Variants in EPC2 observed in about 807,000 individuals in gnomAD.
The protein encoded by EPC2 is enhancer of polycomb homolog 2.
In EPC2, 14 loss-of-function variants were observed where a neutral mutation model predicts 92.1. The ratio of observed to expected loss-of-function variants is 0.15; its 90% CI spans 0.10 to 0.24. The LOEUF (loss-of-function observed/expected upper bound fraction) is 0.24, where lower values mean the gene tolerates loss of function less well. Among genes scored for constraint, EPC2 ranks in the 10% least tolerant of loss-of-function variants. The pLI, the probability that EPC2 is intolerant of heterozygous loss-of-function variation, is 1.00. For synonymous variants in EPC2, 340 were observed against 334.7 expected (o/e 1.02, Z -0.17); for missense variants, 755 against 971.5 (o/e 0.78, Z 2.96).
At chr2:148,784,266 A>G (rs890060811) in intron 12 of EPC2, among the ~76,000 whole-genome samples, 2 of 152,104 alleles carry the variant, frequency 1.3e-5, no homozygotes, top group Non-Finnish European at 2.9e-5. Context: ...TCATCCTTCA[A>G]CTACCTCTCA....
intron 1 of EPC2, among the ~76,000 whole-genome samples, chr2:148,676,681 T>G (rs1161150064): frequency 1.3e-5 from 2 of 151,676 alleles, no homozygotes; most frequent in Non-Finnish European, 2.9e-5. Context: ...AGATCTAAAG[T>G]TATGTTGTTT....
At chr2:148,752,850 C>G (rs576124681) in intron 3 of EPC2, among the ~76,000 whole-genome samples, 1 of 152,062 alleles carries the variant, frequency 6.6e-6, no homozygotes, top group Admixed American at 6.6e-5. Flanking sequence ...AGACTTCATA[C>G]AACATACAGG....
At chr2:148,719,522 C>G (rs1335342979) in intron 2 of EPC2, among the ~76,000 whole-genome samples, 1 of 152,160 alleles carries the variant, frequency 6.6e-6, no homozygotes, top group Non-Finnish European at 1.5e-5. Flanking sequence ...CGCTCCAAAC[C>G]CCAGTTGCTC....
intron 1 of EPC2, among the ~76,000 whole-genome samples, chr2:148,680,428 T>C (rs1045689166): frequency 2.5e-4 from 38 of 152,230 alleles, no homozygotes; most frequent in Non-Finnish European, 4.7e-4. Context: ...CTCAAGTGTA[T>C]AGAAATGATG....
At chr2:148,651,318 A>G (rs1680677179) in intron 1 of EPC2, among the ~76,000 whole-genome samples, 1 of 152,108 alleles carries the variant, frequency 6.6e-6, no homozygotes, top group South Asian at 2.1e-4. Context: ...GGAGGATAGC[A>G]CTCTGATGTT....
intron 1 of EPC2, among the ~76,000 whole-genome samples, chr2:148,653,004 G>T (rs555324296): frequency 6.6e-6 from 1 of 152,278 alleles, no homozygotes; most frequent in Admixed American, 6.5e-5. Flanking sequence ...GAGTGTGTGT[G>T]TAATGGTGTG....
chr2:148,691,742 T>A, intron 2 of EPC2: 1 of 960,618 alleles, frequency 1.0e-6, no homozygotes, highest in Non-Finnish European at 1.6e-6. Flanking sequence ...AAGGTTCAGT[T>A]CTCAGGAAGA....
chr2:148,768,431 T>G (rs1034442570), intron 7 of EPC2, among the ~76,000 whole-genome samples: 2 of 152,248 alleles, frequency 1.3e-5, no homozygotes, highest in Non-Finnish European at 2.9e-5. Flanking sequence ...CATAGGGATA[T>G]TTGGCCTGAT....
chr2:148,667,201 C>T (rs1574569837), intron 1 of EPC2, among the ~76,000 whole-genome samples: 1 of 152,140 alleles, frequency 6.6e-6, no homozygotes, highest in East Asian at 1.9e-4. Context: ...CTTGCTGTTC[C>T]GTAGATGAAT....
intron 2 of EPC2, among the ~76,000 whole-genome samples, chr2:148,705,611 CT>C (rs148242071): frequency 0.014 from 2,075 of 152,244 alleles, 44 homozygotes; most frequent in African/African-American, 0.047. Flanking sequence ...CTGGGTGCCC[CT>C]GAGATGAAGC....
Position 148,753,937 on chromosome 2 carries a change from T to A in EPC2, c.470T>A (p.Leu157His). Residue 157 changes from leucine to histidine, a missense_variant, in exon 4 of 14, where the codon CTT (leucine) becomes CAT (histidine). This residue lies in a region of EPC2 where 509 missense variants were observed against 607.7 expected (regional missense o/e 0.84). Transcript: ENST00000258484. ...EKASSNQLVT[L>H]QEAKLLLNED... Reference sequence around the variant, plus strand: ...GTATTTTTCATTTAGCTTGTAACACTTCAAGAAGCAAAACTGCTGCTAAAC... The same window carrying A: ...GTATTTTTCATTTAGCTTGTAACACATCAAGAAGCAAAACTGCTGCTAAAC... 1 of 1,609,770 alleles carries A rather than the reference T, an allele frequency of 6.2e-7. No individual in the cohort carries two copies.
At chr2:148,650,099 G>T (rs1025472660) in intron 1 of EPC2, among the ~76,000 whole-genome samples, 4 of 152,064 alleles carry the variant, frequency 2.6e-5, no homozygotes, top group African/African-American at 9.7e-5. Context: ...CTCCTGCTAG[G>T]ATATAATGTC....
At chr2:148,749,124 A>G (rs1683040586) in intron 3 of EPC2, among the ~76,000 whole-genome samples, 1 of 152,134 alleles carries the variant, frequency 6.6e-6, no homozygotes, top group South Asian at 2.1e-4. Flanking sequence ...CTCTATTTAT[A>G]ATAGTTTTTA....
At chr2:148,691,262 C>G (rs1690988484) in intron 2 of EPC2, among the ~76,000 whole-genome samples, 1 of 152,102 alleles carries the variant, frequency 6.6e-6, no homozygotes, top group Non-Finnish European at 1.5e-5. Flanking sequence ...TCAGCTGATT[C>G]CACAGACAGA....
chr2:148,733,840 T>A, intron 2 of EPC2, among the ~76,000 whole-genome samples: 1 of 152,176 alleles, frequency 6.6e-6, no homozygotes, highest in Admixed American at 6.5e-5. Context: ...AAAATCTGTT[T>A]GTTCATTTTG....
intron 3 of EPC2, 111 bp downstream of exon 3, chr2:148,743,878 C>T: frequency 1.2e-6 from 1 of 828,650 alleles, no homozygotes. Context: ...TTCCTGACAT[C>T]CTGGAATTTC....
chr2:148,664,959 A>G (rs867734924), intron 1 of EPC2, among the ~76,000 whole-genome samples: 1 of 152,206 alleles, frequency 6.6e-6, no homozygotes, highest in Non-Finnish European at 1.5e-5. Context: ...TGCCTTCATC[A>G]TATAGTAGTT....
chr2:148,725,499 C>A (rs1199135780), intron 2 of EPC2, among the ~76,000 whole-genome samples: 2 of 152,064 alleles, frequency 1.3e-5, no homozygotes, highest in Non-Finnish European at 2.9e-5. Flanking sequence ...CACAGACATT[C>A]TTTTATATAA....
At chr2:148,771,428 T>A in intron 10 of EPC2, 41 bp downstream of exon 10, 3 of 1,467,642 alleles carry the variant, frequency 2.0e-6, no homozygotes, top group Non-Finnish European at 2.8e-6. Context: ...TGCTATTCTT[T>A]TTTACTTAAT....
Sources: allele counts gnomAD v4.1 joint callset (sites outside exome capture counted in the v4.1 genomes callset), GRCh38; gene constraint gnomAD v4.1.1; regional missense constraint gnomAD v4.1.1; transcripts MANE v1.5; gene names NCBI Gene and HGNC (gene_info 2026-07-23, HGNC 2026-07-21).